The following PTPRK variants were observed in gnomAD, a reference collection of about 807,000 sequenced individuals.
PTPRK encodes the protein receptor-type tyrosine-protein phosphatase kappa.
Under a neutral mutation model 178.0 loss-of-function variants are expected in PTPRK, and 75 were observed. The observed-to-expected ratio is 0.42, with a 90% confidence interval of 0.35 to 0.51. PTPRK has a LOEUF of 0.51. Ranked by LOEUF, PTPRK falls within the 20% of genes least tolerant of loss-of-function variation. The pLI, the probability that PTPRK is intolerant of heterozygous loss-of-function variation, is 0.02. For missense variants in PTPRK, 1,441 were observed against 1,797.8 expected (o/e 0.80, Z 3.59); for synonymous variants, 637 against 620.6 (o/e 1.03, Z -0.39).
chr6:128,181,421 GATTAT>G (rs1485484319), intron 7 of PTPRK, among the ~76,000 whole-genome samples: 1 of 151,874 alleles, frequency 6.6e-6, no homozygotes, highest in Non-Finnish European at 1.5e-5. Context: ...TATTCAATCA[GATTAT>G]ATTAATGGCA....
At chr6:128,000,416 C>T (rs1353729869) in intron 15 of PTPRK, 1 of 862,852 alleles carries the variant, frequency 1.2e-6, no homozygotes, top group African/African-American at 1.8e-5. Context: ...TTTACTCCCT[C>T]TTATTAAGCT....
At chr6:128,431,645 A>T (rs1287431222) in intron 1 of PTPRK, among the ~76,000 whole-genome samples, 1 of 152,194 alleles carries the variant, frequency 6.6e-6, no homozygotes, top group Non-Finnish European at 1.5e-5. Flanking sequence ...ACTATCAAAA[A>T]TCCTAGCATT....
chr6:127,971,863 C>T (rs932234699), intron 29 of PTPRK, among the ~76,000 whole-genome samples: 10 of 152,092 alleles, frequency 6.6e-5, no homozygotes, highest in African/African-American at 1.7e-4. Flanking sequence ...ATCTTCAAAT[C>T]GCAAAGTTTA....
At chr6:128,028,283 C>A (rs549116322) in intron 13 of PTPRK, among the ~76,000 whole-genome samples, 4 of 152,200 alleles carry the variant, frequency 2.6e-5, no homozygotes, top group African/African-American at 9.6e-5. Flanking sequence ...AAGGAAAAAG[C>A]AAAAGTGATA....
intron 2 of PTPRK, among the ~76,000 whole-genome samples, chr6:128,393,883 A>G (rs937936890): frequency 1.3e-5 from 2 of 152,154 alleles, no homozygotes; most frequent in Non-Finnish European, 2.9e-5. Flanking sequence ...ACAACTCATC[A>G]TTGCACACAG....
intron 5 of PTPRK, among the ~76,000 whole-genome samples, chr6:128,234,073 A>G (rs1356178362): frequency 6.6e-6 from 1 of 152,252 alleles, no homozygotes; most frequent in African/African-American, 2.4e-5. Flanking sequence ...ATACTAATGC[A>G]TAACTTTCAG....
rs189780316 is a variant in PTPRK, at chr6:128,412,613, A to C, written c.101-14925T>G. ...TGGTAGGCCAGCAGCCTCATATGAT[A>C]GGCCAGAGAACACTAGCATTCCTGC... is the stretch of plus-strand genomic sequence containing the variant. On this transcript the variant is annotated intron_variant, in intron 1 of 29. Coordinates refer to ENST00000368226, the MANE Select transcript of PTPRK (RefSeq NM_002844.4). 4.1e-3 allele frequency among the ~76,000 whole-genome samples: 622 copies of C among 152,366 alleles called. 3 individuals are homozygous for C. Among genetic ancestry groups the C allele is most frequent in the African/African-American group, 0.014 (592 of 41,584 alleles).
At chr6:128,035,392 A>G (rs949429671) in intron 13 of PTPRK, among the ~76,000 whole-genome samples, 5 of 152,054 alleles carry the variant, frequency 3.3e-5, no homozygotes, top group African/African-American at 1.2e-4. Flanking sequence ...ATAAATAATT[A>G]CATTAATGCT....
chr6:127,974,661 T>C (rs1183813415), intron 27 of PTPRK, among the ~76,000 whole-genome samples: 1 of 152,228 alleles, frequency 6.6e-6, no homozygotes, highest in Admixed American at 6.5e-5. Flanking sequence ...AGGTCATCTC[T>C]GATCACACAG....
chr6:127,987,018 T>C (rs1374523051), intron 21 of PTPRK, among the ~76,000 whole-genome samples: 1 of 152,140 alleles, frequency 6.6e-6, no homozygotes, highest in East Asian at 1.9e-4. Context: ...TTTTCAACTC[T>C]AGTGAGGAAG....
intron 13 of PTPRK, among the ~76,000 whole-genome samples, chr6:128,019,718 G>A (rs554809489): frequency 4.1e-4 from 62 of 152,200 alleles, no homozygotes; most frequent in Middle Eastern, 3.4e-3. Flanking sequence ...CTCCACTCTC[G>A]TGCAGTTTAC....
At chr6:128,142,135 C>T (rs1386999196) in intron 7 of PTPRK, among the ~76,000 whole-genome samples, 1 of 151,842 alleles carries the variant, frequency 6.6e-6, no homozygotes, top group African/African-American at 2.4e-5. Flanking sequence ...TGTATATATA[C>T]ATAGACCACA....
chr6:128,035,446 A>G (rs1217390122), intron 13 of PTPRK, among the ~76,000 whole-genome samples: 3 of 152,206 alleles, frequency 2.0e-5, no homozygotes, highest in Non-Finnish European at 2.9e-5. Context: ...CTTACTGCCA[A>G]TGTCATCTGG....
chr6:128,075,447 T>C (rs892053918), intron 11 of PTPRK, among the ~76,000 whole-genome samples: 2 of 152,040 alleles, frequency 1.3e-5, no homozygotes, highest in Non-Finnish European at 2.9e-5. Context: ...ACCTAGGCTA[T>C]CTGCAATTCG....
intron 1 of PTPRK, among the ~76,000 whole-genome samples, chr6:128,482,472 A>G (rs763589177): frequency 2.6e-5 from 4 of 152,198 alleles, no homozygotes; most frequent in Non-Finnish European, 5.9e-5. Context: ...GACTAGAAAC[A>G]GAGACCTGTT....
At chr6:128,165,358 G>T (rs1444178176) in intron 7 of PTPRK, among the ~76,000 whole-genome samples, 1 of 151,198 alleles carries the variant, frequency 6.6e-6, no homozygotes, top group Admixed American at 6.6e-5. Context: ...CATACAGTAT[G>T]CACACAGGAA....
chr6:128,065,802 A>T (rs1217986612), intron 12 of PTPRK, among the ~76,000 whole-genome samples: 2 of 152,176 alleles, frequency 1.3e-5, no homozygotes, highest in Non-Finnish European at 2.9e-5. Context: ...ATTATTTCAC[A>T]TTCCCATAAA....
chr6:128,142,563 C>T (rs1183303843), intron 7 of PTPRK, among the ~76,000 whole-genome samples: 1 of 150,954 alleles, frequency 6.6e-6, no homozygotes, highest in African/African-American at 2.4e-5. Context: ...TATATATATA[C>T]ACACACACAC....
intron 7 of PTPRK, among the ~76,000 whole-genome samples, chr6:128,136,101 G>A (rs1168932278): frequency 3.9e-5 from 6 of 152,114 alleles, no homozygotes; most frequent in African/African-American, 1.4e-4. Context: ...TATCTGGGAT[G>A]TGAACACACT....
Sources: allele counts gnomAD v4.1 joint callset (sites outside exome capture counted in the v4.1 genomes callset), GRCh38; gene constraint gnomAD v4.1.1; transcripts MANE v1.5; gene names NCBI Gene and HGNC (gene_info 2026-07-23, HGNC 2026-07-21).